The following TSC22D3 variants were observed in gnomAD, a reference collection of about 807,000 sequenced individuals.
TSC22D3 encodes the protein TSC22 domain family member 3.
In TSC22D3, 4 loss-of-function variants were observed where a neutral mutation model predicts 11.1. That is an observed-to-expected ratio of 0.36 (90% CI 0.18 to 0.83). TSC22D3 has a LOEUF of 0.83. TSC22D3 is among the 40% of genes least tolerant of loss of function. The pLI, the probability that TSC22D3 is intolerant of heterozygous loss-of-function variation, is 0.48. For missense variants in TSC22D3, 118 were observed against 159.4 expected (o/e 0.74, Z 1.40); for synonymous variants, 77 against 70.3 (o/e 1.10, Z -0.48).
At chrX:107,717,555 G>T (rs184403034) in intron 1 of TSC22D3, among the ~76,000 whole-genome samples, 1 of 112,360 alleles carries the variant, frequency 8.9e-6, no homozygotes, top group Admixed American at 9.4e-5. Flanking sequence ...CCCCTCACCA[G>T]CCAGCTGGCC....
chrX:107,721,517 TACACTTGAAGCACTGTGTACC>T (rs1927327392), intron 1 of TSC22D3, among the ~76,000 whole-genome samples: 1 of 111,578 alleles, frequency 9.0e-6, no homozygotes, highest in African/African-American at 3.3e-5. Context: ...CCCTTTTTGT[TACACTTGAAGCACTGTGTACC>T]ACACAGCCAG....
chrX:107,731,042 G>A (rs956201738), intron 1 of TSC22D3, among the ~76,000 whole-genome samples: 39 of 112,778 alleles, frequency 3.5e-4, no homozygotes, highest in Admixed American at 8.4e-4. Context: ...GTAAATTGTA[G>A]GTAATGGCTC....
chrX:107,748,025 C>A (rs749230859), intron 1 of TSC22D3, among the ~76,000 whole-genome samples: 55 of 111,908 alleles, frequency 4.9e-4, no homozygotes, highest in Non-Finnish European at 8.8e-4. Flanking sequence ...AAGGTCCAGG[C>A]CACAGCAGTT....
At chrX:107,762,012 G>T (rs2147784773) in intron 1 of TSC22D3, among the ~76,000 whole-genome samples, 1 of 112,050 alleles carries the variant, frequency 8.9e-6, no homozygotes, top group East Asian at 2.8e-4. Flanking sequence ...CAATTGTAAT[G>T]ATGTTGCTAT....
chrX:107,753,512 A>G (rs1230296203), intron 1 of TSC22D3, among the ~76,000 whole-genome samples: 1 of 111,391 alleles, frequency 9.0e-6, no homozygotes, highest in East Asian at 2.8e-4. Flanking sequence ...CAGACCAGGC[A>G]TTGTGATACA....
At chrX:107,759,993 G>A (rs769580114) in intron 1 of TSC22D3, among the ~76,000 whole-genome samples, 4 of 112,586 alleles carry the variant, frequency 3.6e-5, no homozygotes, top group Non-Finnish European at 7.5e-5. Context: ...GCTGCCCTCG[G>A]GATCTTCTGC....
At chrX:107,751,035 G>A (rs568265905) in intron 1 of TSC22D3, among the ~76,000 whole-genome samples, 2 of 112,098 alleles carry the variant, frequency 1.8e-5, no homozygotes, top group Admixed American at 1.9e-4. Flanking sequence ...TTTTCCACAT[G>A]TGATGGCCTA....
intron 1 of TSC22D3, among the ~76,000 whole-genome samples, chrX:107,729,147 T>C (rs1440225132): frequency 8.9e-6 from 1 of 112,316 alleles, no homozygotes; most frequent in Non-Finnish European, 1.9e-5. Flanking sequence ...GCCTTGGGCA[T>C]ATTGGGGATG....
At chrX:107,761,347 A>G (rs1467616686) in intron 1 of TSC22D3, among the ~76,000 whole-genome samples, 2 of 111,894 alleles carry the variant, frequency 1.8e-5, no homozygotes, top group Non-Finnish European at 3.8e-5. Context: ...CTGGGACCCC[A>G]TCTCTCTAGG....
chrX:107,716,346 C>A (rs944149651), intron 1 of TSC22D3: 1 of 916,306 alleles, frequency 1.1e-6, no homozygotes. Context: ...AATTCCTTCT[C>A]GGCTGGTAAG....
At position 107,714,651 on chromosome X, in the gene TSC22D3, C is replaced by A; in HGVS notation, c.471G>T (p.Glu157Asp). ...GGGTCTTCAACAGGGTGTTCTCACG[C>A]TCTAGCTGGGAGTTCTTCTCCACCA... ...RELVEKNSQLERENTLLKTLA... is the reference protein window; with the variant it reads ...RELVEKNSQLDRENTLLKTLA... The change falls in exon 3 of 3, where the codon GAG becomes GAT. Residue 157 changes from glutamate to aspartate, a missense_variant. Transcript: ENST00000372383. 8.3e-7 allele frequency: 1 copy of A among 1,211,806 alleles called. No homozygotes were observed. The highest frequency in any genetic ancestry group is 1.1e-6 in the Non-Finnish European group (1 of 895,501).
At chrX:107,722,139 C>T (rs1168491970) in intron 1 of TSC22D3, 82 of 270,952 alleles carry the variant, frequency 3.0e-4, no homozygotes, top group Non-Finnish European at 1.4e-4. Flanking sequence ...GCCCAGAGCT[C>T]CGAATTTCAG....
At position 107,713,496 on chromosome X, in the gene TSC22D3, G is replaced by A. The variant is rs1247310474; in HGVS notation, c.*1023C>T. The A allele has an allele frequency of 1.8e-5, 2 of 112,288 alleles. No individual in the cohort carries two copies. The highest frequency in any genetic ancestry group is 3.3e-5 in the African/African-American group (1 of 30,695). The allele number at this position is 112,288 out of a possible 1,213,427, so 9.3% of individuals were successfully genotyped here. On this transcript the variant is annotated 3_prime_UTR_variant, in exon 3 of 3. Transcript: ENST00000372383. ...ATAATTACAAAACAAAACAAAAAAC[G>A]TTTTCAAATGACACTGTGAAGCCCA...
At chrX:107,736,421 C>T (rs1282017541) in intron 1 of TSC22D3, among the ~76,000 whole-genome samples, 1 of 111,679 alleles carries the variant, frequency 9.0e-6, no homozygotes, top group Non-Finnish European at 1.9e-5. Context: ...TCTGTGCTGT[C>T]GTGGAATTTT....
intron 1 of TSC22D3, chrX:107,722,281 G>A (rs1003645683): frequency 3.7e-5 from 5 of 133,448 alleles, no homozygotes; most frequent in Non-Finnish European, 7.5e-5. Flanking sequence ...TTGATTTGGG[G>A]CAAACTCTGG....
At chrX:107,736,086 G>A (rs1733329451) in intron 1 of TSC22D3, among the ~76,000 whole-genome samples, 1 of 111,516 alleles carries the variant, frequency 9.0e-6, no homozygotes, top group South Asian at 3.7e-4. Flanking sequence ...TGCCCTTTAG[G>A]CCTTGGCTCG....
chrX:107,730,804 C>T (rs1927845477), intron 1 of TSC22D3, among the ~76,000 whole-genome samples: 1 of 112,268 alleles, frequency 8.9e-6, no homozygotes, highest in Non-Finnish European at 1.9e-5. Flanking sequence ...GTCTTCAGAA[C>T]CTTCCTGCTT....
At chrX:107,742,079 C>G (rs1375078143) in intron 1 of TSC22D3, among the ~76,000 whole-genome samples, 1 of 110,259 alleles carries the variant, frequency 9.1e-6, no homozygotes, top group Admixed American at 9.6e-5. Context: ...GAAAAGGCCC[C>G]TCCCCTCCCA....
At position 107,716,668 on chromosome X, in the gene TSC22D3, C is replaced by A. The variant is rs113872361; in HGVS notation, c.321-718G>T. On this transcript the variant is annotated intron_variant, in intron 1 of 2. Transcript: ENST00000372383. ...GCCGGCGCCCCGGCTCGGGAGGCGC[C>A]GGAGCTGGGGCCAGCGGTTACCTGT... is the stretch of plus-strand genomic sequence containing the variant. 4.2e-6 allele frequency: 5 copies of A among 1,195,108 alleles called. No individual in the cohort carries two copies. In the African/African-American group the frequency reaches 7.2e-5, roughly 17 times the overall value.
Sources: allele counts gnomAD v4.1 joint callset (sites outside exome capture counted in the v4.1 genomes callset), GRCh38; gene constraint gnomAD v4.1.1; transcripts MANE v1.5; gene names NCBI Gene and HGNC (gene_info 2026-07-23, HGNC 2026-07-21).